The following PPP2R2B variants were observed in gnomAD, a reference collection of about 807,000 sequenced individuals.
The protein encoded by PPP2R2B is protein phosphatase 2 regulatory subunit Bbeta.
PPP2R2B carries 5 observed loss-of-function variants against 46.0 expected under a neutral mutation model. The ratio of observed to expected loss-of-function variants is 0.11; its 90% confidence interval spans 0.06 to 0.23. The LOEUF (loss-of-function observed/expected upper bound fraction) is 0.23, where lower values mean the gene tolerates loss of function less well. Among genes scored for constraint, PPP2R2B ranks in the 10% least tolerant of loss-of-function variants. The pLI is 1.00. For missense variants in PPP2R2B, 367 were observed against 575.0 expected (o/e 0.64, Z 3.70); for synonymous variants, 215 against 206.7 (o/e 1.04, Z -0.34).
intron 6 of PPP2R2B, among the ~76,000 whole-genome samples, chr5:146,644,024 A>T (rs1775406364): frequency 6.6e-6 from 1 of 152,148 alleles, no homozygotes; most frequent in Non-Finnish European, 1.5e-5. Context: ...TTACAAAAAC[A>T]CTTTGGGATA....
intron 5 of PPP2R2B, among the ~76,000 whole-genome samples, chr5:146,663,117 G>A (rs556257799): frequency 3.3e-5 from 5 of 152,196 alleles, no homozygotes; most frequent in African/African-American, 1.2e-4. Flanking sequence ...TTATGAGGTA[G>A]GTATTCATAT....
At chr5:146,834,949 A>G (rs922416766) in intron 2 of PPP2R2B, among the ~76,000 whole-genome samples, 9 of 152,224 alleles carry the variant, frequency 5.9e-5, no homozygotes, top group Non-Finnish European at 1.2e-4. Context: ...CACAAAGGAC[A>G]TGATTTCATT....
chr5:146,893,814 G>A (rs1340756712), intron 1 of PPP2R2B, among the ~76,000 whole-genome samples: 2 of 150,664 alleles, frequency 1.3e-5, no homozygotes, highest in African/African-American at 2.4e-5. Context: ...AAACCGCCAT[G>A]GCACAAGTAT....
chr5:147,077,310 A>ACC lies in PPP2R2B; in HGVS notation c.50+3747_50+3748dup, dbSNP rs1253128996. On this transcript the variant is annotated intron_variant, in intron 2 of 10. Coordinates refer to the PPP2R2B transcript ENST00000394413. ...CACACACACACACACACACACACAC[A>ACC]CCCACACCCACACCCCTAGCCCTTA... 6.6e-3 allele frequency among the ~76,000 whole-genome samples: 868 copies of ACC among 130,988 alleles called. 8 individuals carry two copies. The highest frequency in any genetic ancestry group is 0.023 in the African/African-American group (715 of 30,710). 85.9% of individuals were successfully genotyped at this position (130,988 alleles called of 152,430 possible).
intron 1 of PPP2R2B, among the ~76,000 whole-genome samples, chr5:146,976,337 A>G (rs768211028): frequency 2.6e-5 from 4 of 151,878 alleles, no homozygotes; most frequent in Non-Finnish European, 4.4e-5. Context: ...GGGTTTTGCC[A>G]TGTTGGCCAG....
chr5:146,623,789 T>C lies in PPP2R2B; in HGVS notation c.790+14462A>G, dbSNP rs75571987. On this transcript the variant is annotated intron_variant, in intron 7 of 9. Coordinates refer to ENST00000394411, the MANE Select transcript of PPP2R2B (RefSeq NM_181675.4). ...GCTGTCTCCAGTCTGTGCTTGATAATGATGGAAGGCCAGCAGGTGCTTTGA... is the reference window on the plus strand; with the variant it reads ...GCTGTCTCCAGTCTGTGCTTGATAACGATGGAAGGCCAGCAGGTGCTTTGA... Among the ~76,000 whole-genome samples, 1,193 of 152,294 alleles carry C rather than the reference T, an allele frequency of 7.8e-3. 19 individuals carry two copies. The highest frequency in any genetic ancestry group is 0.027 in the African/African-American group (1,126 of 41,562).
chr5:146,867,548 G>A (rs1761381904), intron 2 of PPP2R2B, among the ~76,000 whole-genome samples: 1 of 152,070 alleles, frequency 6.6e-6, no homozygotes, highest in Non-Finnish European at 1.5e-5. Flanking sequence ...CTCATCCCCT[G>A]CCATATTTTT....
chr5:146,899,009 A>AC (rs528275460), intron 1 of PPP2R2B, among the ~76,000 whole-genome samples: 12 of 151,036 alleles, frequency 7.9e-5, no homozygotes, highest in Non-Finnish European at 1.5e-4. Context: ...AAATAGGAAC[A>AC]TTTTACACTG....
intron 2 of PPP2R2B, among the ~76,000 whole-genome samples, chr5:146,807,187 C>T (rs1332061338): frequency 6.6e-6 from 1 of 152,186 alleles, no homozygotes; most frequent in Non-Finnish European, 1.5e-5. Context: ...CACTGGTCTT[C>T]AAGATCTCTT....
intron 6 of PPP2R2B, among the ~76,000 whole-genome samples, chr5:146,641,503 ATTTTTTTTTTTTTT>A (rs61445378): frequency 7.8e-6 from 1 of 128,556 alleles, no homozygotes; most frequent in African/African-American, 3.2e-5. Flanking sequence ...GTGCTCTAAG[ATTTTTTTTTTTTTT>A]TTTTTTTTTT....
intron 2 of PPP2R2B, among the ~76,000 whole-genome samples, chr5:146,808,602 A>G (rs922633979): frequency 6.6e-6 from 1 of 152,192 alleles, no homozygotes; most frequent in Middle Eastern, 3.2e-3. Context: ...TTCAAGTTCA[A>G]AGACAGCATC....
At chr5:146,649,987 C>T (rs1382090503) in intron 6 of PPP2R2B, among the ~76,000 whole-genome samples, 1 of 151,962 alleles carries the variant, frequency 6.6e-6, no homozygotes, top group Admixed American at 6.6e-5. Context: ...TCAAACTGTA[C>T]AATTATAATA....
chr5:146,824,995 A>T (rs1758484929), intron 2 of PPP2R2B, among the ~76,000 whole-genome samples: 1 of 152,174 alleles, frequency 6.6e-6, no homozygotes, highest in Non-Finnish European at 1.5e-5. Context: ...AAGTTCTGGG[A>T]TTACAGGCGT....
At chr5:147,020,173 C>T (rs1755196411) in intron 1 of PPP2R2B, among the ~76,000 whole-genome samples, 2 of 152,012 alleles carry the variant, frequency 1.3e-5, no homozygotes, top group South Asian at 4.1e-4. Flanking sequence ...ATAGTCATTC[C>T]TTCTAATAAA....
intron 5 of PPP2R2B, among the ~76,000 whole-genome samples, chr5:146,670,261 C>T (rs1333031014): frequency 6.6e-6 from 1 of 152,034 alleles, no homozygotes; most frequent in South Asian, 2.1e-4. Flanking sequence ...GATTCCTAAA[C>T]TGGCTTTTAA....
intron 7 of PPP2R2B, among the ~76,000 whole-genome samples, chr5:146,626,330 C>A (rs1299349047): frequency 6.6e-6 from 1 of 152,130 alleles, no homozygotes; most frequent in Non-Finnish European, 1.5e-5. Flanking sequence ...TGATAAAATT[C>A]CCACCTTGTT....
intron 1 of PPP2R2B, chr5:146,918,286 T>G (rs1763465868): frequency 6.6e-6 from 1 of 152,146 alleles, no homozygotes; most frequent in African/African-American, 2.4e-5. Flanking sequence ...AGAATGGTTT[T>G]CCCAGCCTTT....
chr5:146,780,306 T>A lies in PPP2R2B; in HGVS notation c.71-79164A>T, dbSNP rs143232914. Among the ~76,000 whole-genome samples, 170 of 152,326 alleles carry A rather than the reference T, an allele frequency of 1.1e-3. 1 individual carries two copies. The East Asian group carries it at 0.027, about 24-fold the overall frequency. The stretch of plus-strand genomic sequence containing the variant: ...ATATTTTATACATTAAATTATTTTT[T>A]AAAATGGGCAATGTTTATATGGTCA... On this transcript the variant is annotated intron_variant, in intron 2 of 9. Coordinates refer to ENST00000394411, the MANE Select transcript of PPP2R2B (RefSeq NM_181675.4).
At chr5:146,926,775 T>C (rs902030482) in intron 1 of PPP2R2B, among the ~76,000 whole-genome samples, 2 of 152,158 alleles carry the variant, frequency 1.3e-5, no homozygotes, top group African/African-American at 2.4e-5. Context: ...TGCACATGCA[T>C]TGAGACTTTG....
Sources: allele counts gnomAD v4.1 joint callset (sites outside exome capture counted in the v4.1 genomes callset), GRCh38; gene constraint gnomAD v4.1.1; transcripts MANE v1.5; gene names NCBI Gene and HGNC (gene_info 2026-07-23, HGNC 2026-07-21).